The following PHKA1 variants were observed in gnomAD, a reference collection of about 807,000 sequenced individuals.
PHKA1 encodes phosphorylase b kinase regulatory subunit alpha, skeletal muscle isoform.
In PHKA1, 60 loss-of-function variants were observed where a neutral mutation model predicts 110.2. That is an observed-to-expected ratio of 0.54 (90% CI 0.44 to 0.68). The LOEUF (loss-of-function observed/expected upper bound fraction) is 0.68. PHKA1 is among the 30% of genes least tolerant of loss of function. The pLI is 0.00. For missense variants in PHKA1, 801 were observed against 942.5 expected (o/e 0.85, Z 1.97); for synonymous variants, 316 against 333.6 (o/e 0.95, Z 0.58).
At chrX:72,586,213 G>T (rs1042604097) in intron 29 of PHKA1, among the ~76,000 whole-genome samples, 36 of 111,882 alleles carry the variant, frequency 3.2e-4, no homozygotes, top group African/African-American at 1.1e-3. Flanking sequence ...CCCCTGAGAC[G>T]AAGCTTCCAG....
intron 26 of PHKA1, among the ~76,000 whole-genome samples, chrX:72,602,572 C>T (rs1822693274): frequency 9.0e-6 from 1 of 111,148 alleles, no homozygotes; most frequent in African/African-American, 3.3e-5. Flanking sequence ...GTCTGACATC[C>T]ATCCATCTGA....
chrX:72,675,369 G>T (rs1447845490), intron 6 of PHKA1, among the ~76,000 whole-genome samples: 1 of 110,917 alleles, frequency 9.0e-6, no homozygotes, highest in Non-Finnish European at 1.9e-5. Flanking sequence ...TTTTATGCTT[G>T]TCAGACTGTA....
intron 6 of PHKA1, among the ~76,000 whole-genome samples, chrX:72,672,816 T>C (rs146261815): frequency 1.8e-3 from 205 of 112,358 alleles, no homozygotes; most frequent in African/African-American, 6.2e-3. Flanking sequence ...ATTCACATCA[T>C]GTGCTTCCTG....
chrX:72,589,928 C>A (rs1335740023), intron 29 of PHKA1, among the ~76,000 whole-genome samples: 2 of 111,085 alleles, frequency 1.8e-5, no homozygotes, highest in Admixed American at 1.9e-4. Flanking sequence ...TAAGAGAGGA[C>A]ACAAACAAAT....
intron 13 of PHKA1, among the ~76,000 whole-genome samples, chrX:72,649,756 G>A (rs914629600): frequency 1.8e-5 from 2 of 110,950 alleles, no homozygotes; most frequent in Non-Finnish European, 3.8e-5. Context: ...TACTTTGGGA[G>A]GCCGAGACAG....
chrX:72,681,400 G>T (rs1262492176), intron 5 of PHKA1, among the ~76,000 whole-genome samples: 89 of 112,992 alleles, frequency 7.9e-4, no homozygotes, highest in African/African-American at 2.5e-3. Flanking sequence ...AGGTGGGGGG[G>T]GGTCAGCCCC....
intron 14 of PHKA1, among the ~76,000 whole-genome samples, chrX:72,640,955 T>C (rs1450430774): frequency 9.0e-6 from 1 of 111,085 alleles, no homozygotes; most frequent in Non-Finnish European, 1.9e-5. Flanking sequence ...ATATAAATAA[T>C]TGATAAATAT....
intron 8 of PHKA1, chrX:72,660,678 T>C: frequency 6.0e-6 from 2 of 335,208 alleles, no homozygotes; most frequent in South Asian, 7.2e-5. Context: ...TTAAATAAAT[T>C]TCTGAATAAA....
chrX:72,618,756 T>G lies in PHKA1; in HGVS notation c.2323A>C (p.Ser775Arg). ...ALVLQLKETS[S>R]LQEQADILYM... ...AGGATATCAGCTTGTTCCTGTAAGC[T>G]TGAGGTCTCCTTCAACTGTAAAACC... The change falls in exon 21 of 32, where the codon AGC becomes CGC. Residue 775 changes from serine (S) to arginine (R), a missense_variant. Coordinates refer to ENST00000373542, the MANE Select transcript of PHKA1 (RefSeq NM_002637.4). The G allele has an allele frequency of 3.3e-6, 4 of 1,197,607 alleles. No homozygotes were observed. The highest frequency in any genetic ancestry group is 4.5e-6 in the Non-Finnish European group (4 of 882,564).
chrX:72,651,262 C>T (rs2053425957), intron 12 of PHKA1, among the ~76,000 whole-genome samples: 1 of 111,398 alleles, frequency 9.0e-6, no homozygotes, highest in Non-Finnish European at 1.9e-5. Context: ...ACTGGCCGGG[C>T]GCAGTGGCTC....
chrX:72,593,059 A>G (rs782104707), intron 29 of PHKA1, 45 bp downstream of exon 29: 55 of 883,527 alleles, frequency 6.2e-5, no homozygotes, highest in Middle Eastern at 2.7e-4. Flanking sequence ...GAGACTGAGA[A>G]TTTCAAGGGG....
chrX:72,686,153 A>G (rs2053964371), intron 4 of PHKA1, among the ~76,000 whole-genome samples: 1 of 112,120 alleles, frequency 8.9e-6, no homozygotes, highest in Non-Finnish European at 1.9e-5. Flanking sequence ...AATATCCTGA[A>G]CACCCATTCC....
chrX:72,649,719 C>G (rs987238623), intron 13 of PHKA1, among the ~76,000 whole-genome samples: 3 of 111,149 alleles, frequency 2.7e-5, no homozygotes, highest in African/African-American at 9.8e-5. Context: ...TGCAGCCGGG[C>G]GCAGTGGCTC....
chrX:72,584,361 A>C, intron 29 of PHKA1, 59 bp from the exon 30 acceptor site: 2 of 1,018,587 alleles, frequency 2.0e-6, no homozygotes, highest in Non-Finnish European at 2.8e-6. Context: ...ATAGACAAAC[A>C]ACGGGGAGGC....
At chrX:72,656,491 T>C (rs1556301525) in intron 9 of PHKA1, among the ~76,000 whole-genome samples, 1 of 112,133 alleles carries the variant, frequency 8.9e-6, no homozygotes, top group Non-Finnish European at 1.9e-5. Flanking sequence ...AAAGTTCAGT[T>C]TGGTTTTATA....
intron 3 of PHKA1, among the ~76,000 whole-genome samples, chrX:72,703,716 A>C (rs1556330917): frequency 8.9e-6 from 1 of 111,771 alleles, no homozygotes; most frequent in Non-Finnish European, 1.9e-5. Context: ...AAATATCTAA[A>C]ATACAAAATA....
In PHKA1 at chrX:72,681,382, T is replaced by A. The variant is rs782768983; in HGVS notation, c.537+3116A>T. 3.4e-5 allele frequency among the ~76,000 whole-genome samples: 3 copies of A among 88,071 alleles called. No individual in the cohort carries two copies. The East Asian group carries it at 1.1e-3, about 33-fold the overall frequency. 76.5% of individuals were successfully genotyped at this position (88,071 alleles called of 115,157 possible). A position where few individuals can be genotyped will look rare whatever the true frequency, so the allele number is the denominator to read the frequency against. On this transcript the variant is annotated intron_variant, in intron 5 of 31. Transcript: ENST00000373542. ...CTCTCCGCCCGGCAGCCACCCCATC[T>A]GGGAGGGAGGTGGGGGGGGGTCAGC...
intron 12 of PHKA1, among the ~76,000 whole-genome samples, chrX:72,651,259 G>A (rs1035803291): frequency 3.4e-4 from 38 of 111,474 alleles, no homozygotes; most frequent in Non-Finnish European, 4.7e-4. Flanking sequence ...ATCACTGGCC[G>A]GGCGCAGTGG....
At chrX:72,634,958 C>T (rs1028033783) in intron 16 of PHKA1, among the ~76,000 whole-genome samples, 197 bp downstream of exon 16, 2 of 112,208 alleles carry the variant, frequency 1.8e-5, no homozygotes, top group East Asian at 2.8e-4. Context: ...TCCATGAGAA[C>T]GGAAACCTCA....
Sources: allele counts gnomAD v4.1 joint callset (sites outside exome capture counted in the v4.1 genomes callset), GRCh38; gene constraint gnomAD v4.1.1; transcripts MANE v1.5; gene names NCBI Gene and HGNC (gene_info 2026-07-23, HGNC 2026-07-21).